The following GIPC3 variants were observed in gnomAD, a reference collection of about 807,000 sequenced individuals.
GIPC3 encodes GIPC PDZ domain containing family member 3, also known as PDZ domain-containing protein GIPC3.
GIPC3 carries 16 observed loss-of-function variants against 27.3 expected under a neutral mutation model. The ratio of observed to expected loss-of-function variants is 0.59; its 90% confidence interval spans 0.40 to 0.89. GIPC3 has a LOEUF of 0.89. Among genes scored for constraint, GIPC3 ranks in the 40% least tolerant of loss-of-function variants. The pLI, the probability that GIPC3 is intolerant of heterozygous loss-of-function variation, is 0.00. For missense variants in GIPC3, 440 were observed against 442.1 expected (o/e 1.00, Z 0.04); for synonymous variants, 194 against 184.6 (o/e 1.05, Z -0.41).
In GIPC3 at chr19:3,586,935, G is replaced by A. The variant is rs746391481; in HGVS notation, c.533G>A (p.Arg178Gln). 1.3e-5 allele frequency: 21 copies of A among 1,613,326 alleles called. No homozygotes were observed. Among genetic ancestry groups the A allele is most frequent in the East Asian group, 2.2e-5 (1 of 44,884 alleles). Residue 178 changes from arginine (R) to glutamine (Q), a missense_variant, in exon 3 of 6, where the codon CGG (arginine) becomes CAG (glutamine). Transcript: ENST00000644452. ...CACTACGAGGTGGCCAAGATGCTCC[G>A]GGAGCTGCCCAAGTCCCAGCCCTTC... ...CRHYEVAKMLRELPKSQPFTL... is the reference protein window; with the variant it reads ...CRHYEVAKMLQELPKSQPFTL...
In GIPC3 at chr19:3,590,765, C is replaced by T. The variant is rs577891309; in HGVS notation, c.*575C>T. On this transcript the variant is annotated 3_prime_UTR_variant, in exon 6 of 6. Coordinates refer to ENST00000644452, the MANE Select transcript of GIPC3 (RefSeq NM_133261.3). ...CTAGAACTCAGATGGGCTCTGAGAC[C>T]GAGCCCAGCTCTAGAACTCAGATGG... 4.9e-6 allele frequency: 6 copies of T among 1,233,610 alleles called. No individual in the cohort carries two copies. The highest frequency in any genetic ancestry group is 4.7e-5 in the African/African-American group (3 of 63,840). 76.4% of individuals were successfully genotyped at this position (1,233,610 alleles called of 1,614,324 possible).
chr19:3,593,239 G>T lies in GIPC3; in HGVS notation c.*3049G>T. ...TCCCCAGCTTTGGCGCCAGCCCTTT[G>T]CCCCACTCTGGGGGAGCCAGGAGCC... On this transcript the variant is annotated 3_prime_UTR_variant, in exon 6 of 6. Coordinates refer to ENST00000644452, the MANE Select transcript of GIPC3 (RefSeq NM_133261.3). The T allele has an allele frequency of 8.1e-7, 1 of 1,232,828 alleles. No homozygotes were observed. The highest frequency in any genetic ancestry group is 4.1e-5 in the South Asian group (1 of 24,334). The allele number at this position is 1,232,828 out of a possible 1,614,324, so 76.4% of individuals were successfully genotyped here. A position where few individuals can be genotyped will look rare whatever the true frequency, so the allele number is the denominator to read the frequency against.
intron 3 of GIPC3, among the ~76,000 whole-genome samples, chr19:3,587,836 G>A (rs544661877): frequency 1.6e-4 from 23 of 146,882 alleles, no homozygotes; most frequent in Admixed American, 1.1e-3. Flanking sequence ...GACTACAGGC[G>A]CCCGCCACCA....
chr19:3,590,249 C>A lies in GIPC3; in HGVS notation c.*59C>A. 3 of 1,541,292 alleles carry A rather than the reference C, an allele frequency of 1.9e-6. No individual in the cohort carries two copies. The highest frequency in any genetic ancestry group is 2.6e-6 in the Non-Finnish European group (3 of 1,142,086). ...CGGAGCCCAGCCCCCTGCCCCGGCC[C>A]TGCTCCAGAACCCAGCCCAGATCGG... is the stretch of plus-strand genomic sequence containing the variant. On this transcript the variant is annotated 3_prime_UTR_variant, in exon 6 of 6. Coordinates refer to ENST00000644452, the MANE Select transcript of GIPC3 (RefSeq NM_133261.3).
At chr19:3,589,975 G>A (rs1276142325) in intron 5 of GIPC3, 63 bp downstream of exon 5, 4 of 1,613,230 alleles carry the variant, frequency 2.5e-6, no homozygotes, top group Non-Finnish European at 3.4e-6. Context: ...GGAGGCAGGG[G>A]TCCCAGCGGG....
chr19:3,587,714 G>A (rs1303509206), intron 3 of GIPC3, among the ~76,000 whole-genome samples: 1 of 460 alleles, frequency 2.2e-3, no homozygotes, highest in African/African-American at 0.011. Flanking sequence ...TTTTTGAGAC[G>A]GAGTCTAGCT....
Position 3,593,500 on chromosome 19 carries a change from CCT to C in GIPC3, c.*3311_*3312del. Reference sequence around the variant, plus strand: ...AGGAGACGGGTTGCACCGCATGTACCCTGAGGGCTCATGGTGAATAAAGGCAC... The same window carrying C: ...AGGAGACGGGTTGCACCGCATGTACCGAGGGCTCATGGTGAATAAAGGCAC... On this transcript the variant is annotated 3_prime_UTR_variant, in exon 6 of 6. Transcript: ENST00000644452. 1 of 408,118 alleles carries C rather than the reference CCT, an allele frequency of 2.5e-6. No homozygotes were observed. Among genetic ancestry groups the C allele is most frequent in the Non-Finnish European group, 4.2e-6 (1 of 236,216 alleles). 25.3% of individuals were successfully genotyped at this position (408,118 alleles called of 1,614,324 possible).
Position 3,585,648 on chromosome 19 carries a change from G to A in GIPC3, c.51G>A (p.Ala17=), listed in dbSNP as rs1238623884. The change falls in exon 1 of 6, where the codon GCG becomes GCA. Residue 17 remains alanine (A), a synonymous_variant. Coordinates refer to ENST00000644452, the MANE Select transcript of GIPC3 (RefSeq NM_133261.3). ...CCCGGGGGACCGAGACCCCGCGCGC[G>A]TCTGCGCCCCCGCCCGCGCCCTCGG... ...REARGTETPR[A]SAPPPAPSEP... 1.7e-6 allele frequency: 2 copies of A among 1,209,752 alleles called. No individual in the cohort carries two copies. Among genetic ancestry groups the A allele is most frequent in the Non-Finnish European group, 2.0e-6 (2 of 976,766 alleles). The allele number at this position is 1,209,752 out of a possible 1,614,324, so 74.9% of individuals were successfully genotyped here.
rs2108389 is a variant in GIPC3 at position 3,591,592 on chromosome 19, T to C, written c.*1402T>C. 0.55 allele frequency: 676,430 copies of C among 1,232,466 alleles called. 191,709 individuals carry two copies. The highest frequency in any genetic ancestry group is 0.85 in the African/African-American group (55,002 of 64,454). 76.3% of individuals were successfully genotyped at this position (1,232,466 alleles called of 1,614,324 possible). A position where few individuals can be genotyped will look rare whatever the true frequency, so the allele number is the denominator to read the frequency against. On this transcript the variant is annotated 3_prime_UTR_variant, in exon 6 of 6. Coordinates refer to ENST00000644452, the MANE Select transcript of GIPC3 (RefSeq NM_133261.3). ...TCAGGATTCAGAGACAGCTCCCAAA[T>C]CAAATCCTATTCAAGAACTCAGACC...
Position 3,592,445 on chromosome 19 carries a change from C to T in GIPC3, c.*2255C>T, listed in dbSNP as rs2032503775. 2.4e-6 allele frequency: 3 copies of T among 1,231,980 alleles called. No homozygotes were observed. The highest frequency in any genetic ancestry group is 2.0e-6 in the Non-Finnish European group (2 of 987,974). The allele number at this position is 1,231,980 out of a possible 1,614,324, so 76.3% of individuals were successfully genotyped here. ...CCCAGCTGATTTCCGGAGCCCAACC[C>T]AGCTCCAGAACTCAGACTAGTTCTG... On this transcript the variant is annotated 3_prime_UTR_variant, in exon 6 of 6. Transcript: ENST00000644452.
In GIPC3 at chr19:3,591,838, C is replaced by G. The variant is rs1233603698; in HGVS notation, c.*1648C>G. 1 of 1,233,482 alleles carries G rather than the reference C, an allele frequency of 8.1e-7. No individual in the cohort carries two copies. 76.4% of individuals were successfully genotyped at this position (1,233,482 alleles called of 1,614,324 possible). On this transcript the variant is annotated 3_prime_UTR_variant, in exon 6 of 6. Transcript: ENST00000644452. ...TCCATCTTGGAAGCAAGACCCAGCT[C>G]CAGCACACAGCTTGGTGCCAAGCCC...
intron 3 of GIPC3, among the ~76,000 whole-genome samples, chr19:3,587,776 C>T (rs376947539): frequency 6.8e-6 from 1 of 146,472 alleles, no homozygotes; most frequent in African/African-American, 2.5e-5. Context: ...CTGCAAGCTC[C>T]GCCTCCCGGG....
Position 3,591,445 on chromosome 19 carries a change from G to A in GIPC3, c.*1255G>A. The A allele has an allele frequency of 3.2e-6, 4 of 1,232,324 alleles. No homozygotes were observed. The highest frequency in any genetic ancestry group is 4.0e-6 in the Non-Finnish European group (4 of 988,216). The allele number at this position is 1,232,324 out of a possible 1,614,324, so 76.3% of individuals were successfully genotyped here. A position where few individuals can be genotyped will look rare whatever the true frequency, so the allele number is the denominator to read the frequency against. On this transcript the variant is annotated 3_prime_UTR_variant, in exon 6 of 6. Transcript: ENST00000644452. ...TGCTGGAAAACTCAAGCTGACTCTGGAACTCTGGACAGCTCCACGATGCAG... is the reference window on the plus strand; with the variant it reads ...TGCTGGAAAACTCAAGCTGACTCTGAAACTCTGGACAGCTCCACGATGCAG...
At position 3,586,842 on chromosome 19, in the gene GIPC3, G is replaced by A. The variant is rs141293401; in HGVS notation, c.440G>A (p.Arg147Gln). ...KRIKEGSIIN[R>Q]IEAVCVGDSI... ...ATCAAGGAAGGCAGTATCATCAACC[G>A]GATCGAGGCAGTGTGCGTGGGTGAC... The change falls in exon 3 of 6, where the codon CGG (arginine) becomes CAG (glutamine). Residue 147 changes from arginine to glutamine, a missense_variant. Arg to Gln is a conservative substitution (Grantham distance 43). Coordinates refer to ENST00000644452, the MANE Select transcript of GIPC3 (RefSeq NM_133261.3). 2.8e-4 allele frequency: 458 copies of A among 1,613,540 alleles called. No individual in the cohort carries two copies. The highest frequency in any genetic ancestry group is 1.6e-3 in the Middle Eastern group (10 of 6,084).
chr19:3,592,190 G>T lies in GIPC3; in HGVS notation c.*2000G>T. ...ACAGCAGGTCCAGCTCCAGGACCCAGCGCTGCCCAGGAGCTCGACCAGCCT... is the reference window on the plus strand; with the variant it reads ...ACAGCAGGTCCAGCTCCAGGACCCATCGCTGCCCAGGAGCTCGACCAGCCT... On this transcript the variant is annotated 3_prime_UTR_variant, in exon 6 of 6. Coordinates refer to ENST00000644452, the MANE Select transcript of GIPC3 (RefSeq NM_133261.3). 8.1e-7 allele frequency: 1 copy of T among 1,232,118 alleles called. No homozygotes were observed. Among genetic ancestry groups the T allele is most frequent in the Non-Finnish European group, 1.0e-6 (1 of 988,054 alleles). 76.3% of individuals were successfully genotyped at this position (1,232,118 alleles called of 1,614,324 possible).
chr19:3,590,511 A>G lies in GIPC3; in HGVS notation c.*321A>G, dbSNP rs1297512917. ...CTTTGAGACCATGCCCAGCACTGAG[A>G]CCAAGCCCTGTTCTAGAACTCAGGC... is the stretch of plus-strand genomic sequence containing the variant. On this transcript the variant is annotated 3_prime_UTR_variant, in exon 6 of 6. Transcript: ENST00000644452. The G allele has an allele frequency of 2.9e-6, 4 of 1,398,746 alleles. No individual in the cohort carries two copies. Among genetic ancestry groups the G allele is most frequent in the Non-Finnish European group, 3.7e-6 (4 of 1,081,986 alleles). 86.6% of individuals were successfully genotyped at this position (1,398,746 alleles called of 1,614,324 possible).
In GIPC3 at chr19:3,592,088, C is replaced by G; in HGVS notation, c.*1898C>G. On this transcript the variant is annotated 3_prime_UTR_variant, in exon 6 of 6. Transcript: ENST00000644452. The stretch of plus-strand genomic sequence containing the variant: ...AGCCAAGTTCCAGAATCCAGCTAAG[C>G]TCTGGAGTCCAATCTAGTCCTGGGA... The G allele has an allele frequency of 8.1e-7, 1 of 1,232,226 alleles. No individual in the cohort carries two copies. Among genetic ancestry groups the G allele is most frequent in the Non-Finnish European group, 1.0e-6 (1 of 988,116 alleles). 76.3% of individuals were successfully genotyped at this position (1,232,226 alleles called of 1,614,324 possible).
At chr19:3,589,943 G>A in intron 5 of GIPC3, 31 bp downstream of exon 5, 1 of 1,613,472 alleles carries the variant, frequency 6.2e-7, no homozygotes. Context: ...AGGGGGCCCT[G>A]GGGGGAGGGA....
rs1233666000 is a variant in GIPC3, at chr19:3,591,547, G to T, written c.*1357G>T. The T allele has an allele frequency of 3.2e-6, 4 of 1,232,816 alleles. No homozygotes were observed. The African/African-American group carries it at 4.7e-5, about 14-fold the overall frequency. The allele number at this position is 1,232,816 out of a possible 1,614,324, so 76.4% of individuals were successfully genotyped here. On this transcript the variant is annotated 3_prime_UTR_variant, in exon 6 of 6. Transcript: ENST00000644452. ...CATGTGAGATTCATGAAGCAGCCCA[G>T]CTCTGGAACCCCAGTCAGCTCAGGA... is the stretch of plus-strand genomic sequence containing the variant.
Sources: allele counts gnomAD v4.1 joint callset (sites outside exome capture counted in the v4.1 genomes callset), GRCh38; gene constraint gnomAD v4.1.1; transcripts MANE v1.5; gene names NCBI Gene and HGNC (gene_info 2026-07-23, HGNC 2026-07-21).